Variants in KAZN observed in about 807,000 individuals in gnomAD.
The protein encoded by KAZN is kazrin, periplakin interacting protein.
Under a neutral mutation model 87.4 loss-of-function variants are expected in KAZN, and 40 were observed. The ratio of observed to expected loss-of-function variants is 0.46; its 90% CI spans 0.36 to 0.60. The LOEUF is 0.60. Among genes scored for constraint, KAZN ranks in the 20% least tolerant of loss-of-function variants. The pLI, the probability that KAZN is intolerant of heterozygous loss-of-function variation, is 0.00. For missense variants in KAZN, 898 were observed against 1,073.9 expected (o/e 0.84, Z 2.29); for synonymous variants, 466 against 458.3 (o/e 1.02, Z -0.22).
At chr1:14,345,032 C>A (rs1006078202) in intron 2 of KAZN, among the ~76,000 whole-genome samples, 4 of 151,972 alleles carry the variant, frequency 2.6e-5, no homozygotes, top group African/African-American at 9.7e-5. Context: ...TACTCTCCTG[C>A]CTCAGCCTTC....
intron 1 of KAZN, among the ~76,000 whole-genome samples, chr1:14,019,803 C>T (rs1640739035): frequency 6.6e-6 from 1 of 152,146 alleles, no homozygotes; most frequent in South Asian, 2.1e-4. Context: ...TACTCTACAG[C>T]AGTGGTCCCT....
In KAZN at chr1:14,727,450, C is replaced by CTTTTTTTTTTTTTTTT. The variant is rs57203868; in HGVS notation, c.226+128258_226+128273dup. ...GTCCATCACATTTATTGTGCACTTT[C>CTTTTTTTTTTTTTTTT]TTTTTTTTTTTTTTTTTTTTTTTTT... On this transcript the variant is annotated intron_variant, in intron 1 of 14. Coordinates refer to ENST00000376030, the MANE Select transcript of KAZN (RefSeq NM_201628.3). Among the ~76,000 whole-genome samples, 11 of 73,918 alleles carry CTTTTTTTTTTTTTTTT rather than the reference C, an allele frequency of 1.5e-4. 1 individual carries two copies. The highest frequency in any genetic ancestry group is 2.1e-4 in the Non-Finnish European group (8 of 38,996). The allele number at this position is 73,918 out of a possible 152,430, so 48.5% of individuals were successfully genotyped here.
At chr1:14,787,511 G>C (rs918177987) in intron 1 of KAZN, among the ~76,000 whole-genome samples, 1 of 152,124 alleles carries the variant, frequency 6.6e-6, no homozygotes, top group African/African-American at 2.4e-5. Context: ...CCTGCTTCTG[G>C]GATTCTGGTA....
At chr1:14,072,971 G>A (rs939678669) in intron 1 of KAZN, among the ~76,000 whole-genome samples, 1 of 152,042 alleles carries the variant, frequency 6.6e-6, no homozygotes, top group Non-Finnish European at 1.5e-5. Flanking sequence ...CCCACTGATG[G>A]GAGTCTTTTT....
intron 2 of KAZN, among the ~76,000 whole-genome samples, chr1:14,420,688 C>T (rs189943339): frequency 1.1e-4 from 17 of 152,322 alleles, no homozygotes; most frequent in Non-Finnish European, 1.8e-4. Context: ...TCGAGTGCAG[C>T]GCCTGCAGGC....
chr1:15,008,607 G>T (rs901494917), intron 2 of KAZN, among the ~76,000 whole-genome samples: 1 of 152,204 alleles, frequency 6.6e-6, no homozygotes, highest in African/African-American at 2.4e-5. Context: ...AGGTTCAAAG[G>T]CCAGAGGTTA....
At chr1:14,906,728 G>C (rs980355615) in intron 1 of KAZN, among the ~76,000 whole-genome samples, 3 of 149,676 alleles carry the variant, frequency 2.0e-5, no homozygotes, top group African/African-American at 7.4e-5. Context: ...TATTTTTCTA[G>C]AGATCAAGCT....
At chr1:14,310,054 A>T (rs1304430561) in intron 2 of KAZN, among the ~76,000 whole-genome samples, 2 of 152,066 alleles carry the variant, frequency 1.3e-5, no homozygotes, top group Non-Finnish European at 2.9e-5. Context: ...ATGGCATTGG[A>T]TGGGGTTGGA....
intron 1 of KAZN, among the ~76,000 whole-genome samples, chr1:14,732,292 G>C (rs975861594): frequency 3.9e-5 from 6 of 152,228 alleles, no homozygotes; most frequent in Admixed American, 6.5e-5. Context: ...GAGGATTGGT[G>C]CAGTCCCCAG....
At chr1:14,528,937 G>A (rs1379078830) in intron 2 of KAZN, among the ~76,000 whole-genome samples, 1 of 152,052 alleles carries the variant, frequency 6.6e-6, no homozygotes, top group Non-Finnish European at 1.5e-5. Context: ...CAATCAGCCA[G>A]AGGGAAATAG....
chr1:14,256,657 T>G (rs1359301042), intron 2 of KAZN, among the ~76,000 whole-genome samples: 1 of 152,186 alleles, frequency 6.6e-6, no homozygotes, highest in African/African-American at 2.4e-5. Flanking sequence ...GGCTGTGTGA[T>G]TGTGGCAACT....
chr1:14,873,139 G>A (rs1652373587), intron 1 of KAZN, among the ~76,000 whole-genome samples: 1 of 95,980 alleles, frequency 1.0e-5, no homozygotes, highest in Non-Finnish European at 2.2e-5. Context: ...TGGATGGATG[G>A]ATGGAAGGAT....
chr1:14,293,850 A>T (rs952799046), intron 2 of KAZN, among the ~76,000 whole-genome samples: 3 of 152,100 alleles, frequency 2.0e-5, no homozygotes, highest in Non-Finnish European at 2.9e-5. Flanking sequence ...CAAGGTGGTT[A>T]GCCTTTGGGA....
intron 2 of KAZN, among the ~76,000 whole-genome samples, chr1:14,592,005 C>A (rs1327329246): frequency 2.0e-5 from 3 of 152,260 alleles, no homozygotes; most frequent in Non-Finnish European, 4.4e-5. Flanking sequence ...GGTTCCGCGG[C>A]CTGCACACTT....
chr1:14,286,646 C>T (rs1464067794), intron 2 of KAZN, among the ~76,000 whole-genome samples: 3 of 152,172 alleles, frequency 2.0e-5, no homozygotes, highest in Non-Finnish European at 2.9e-5. Flanking sequence ...ATAAATAATT[C>T]CTCTGCAGCT....
intron 11 of KAZN, among the ~76,000 whole-genome samples, chr1:15,103,089 C>A (rs1049701685): frequency 1.3e-5 from 2 of 152,192 alleles, no homozygotes; most frequent in African/African-American, 4.8e-5. Context: ...ATGGTGAAAC[C>A]CCATCTCTAC....
intron 2 of KAZN, among the ~76,000 whole-genome samples, chr1:14,357,147 G>T (rs186615325): frequency 2.2e-4 from 34 of 152,234 alleles, no homozygotes; most frequent in African/African-American, 6.7e-4. Context: ...CACATCCCTT[G>T]TAAGTTGGAT....
At chr1:15,087,984 T>C (rs1640342091) in intron 8 of KAZN, among the ~76,000 whole-genome samples, 1 of 152,200 alleles carries the variant, frequency 6.6e-6, no homozygotes, top group African/African-American at 2.4e-5. Context: ...CGTGAGATCT[T>C]TTGGTTGATA....
chr1:15,069,729 G>C (rs890417794), intron 8 of KAZN, among the ~76,000 whole-genome samples: 1 of 152,188 alleles, frequency 6.6e-6, no homozygotes, highest in Admixed American at 6.5e-5. Context: ...GGGCTGCCCA[G>C]GGCATCCAGG....
Sources: allele counts gnomAD v4.1 joint callset (sites outside exome capture counted in the v4.1 genomes callset), GRCh38; gene constraint gnomAD v4.1.1; transcripts MANE v1.5; gene names NCBI Gene and HGNC (gene_info 2026-07-23, HGNC 2026-07-21).